The following ADARB2 variants were observed in gnomAD, a reference collection of about 807,000 sequenced individuals.
ADARB2 encodes adenosine deaminase RNA specific B2 (inactive).
Under a neutral mutation model 62.2 loss-of-function variants are expected in ADARB2, and 25 were observed. That is an observed-to-expected ratio of 0.40 (90% CI 0.29 to 0.56). ADARB2 has a LOEUF of 0.56. Among genes scored for constraint, ADARB2 ranks in the 20% least tolerant of loss-of-function variants. The pLI, the probability that ADARB2 is intolerant of heterozygous loss-of-function variation, is 0.43. For missense variants in ADARB2, 1,071 were observed against 1,077.4 expected (o/e 0.99, Z 0.08); for synonymous variants, 572 against 500.8 (o/e 1.14, Z -1.90).
At position 1,371,746 on chromosome 10, in the gene ADARB2, G is replaced by A. The variant is rs529446564; in HGVS notation, c.187+7328C>T. Among the ~76,000 whole-genome samples, 7 of 143,492 alleles carry A rather than the reference G, an allele frequency of 4.9e-5. No homozygotes were observed. The East Asian group carries it at 1.4e-3, about 29-fold the overall frequency. The allele number at this position is 143,492 out of a possible 152,430, so 94.1% of individuals were successfully genotyped here. ...ATGCAAATTAAAATCACACTGAGAT[G>A]TCATCTTACCCCAGTCAGAATGGCT... On this transcript the variant is annotated intron_variant, in intron 2 of 9. Transcript: ENST00000381312.
intron 3 of ADARB2, among the ~76,000 whole-genome samples, chr10:1,345,128 G>A (rs1018965334): frequency 3.3e-5 from 5 of 151,968 alleles, no homozygotes; most frequent in Non-Finnish European, 5.9e-5. Flanking sequence ...GGAGGAAACC[G>A]CCGCAGCCTG....
chr10:1,691,595 G>C (rs143641259), intron 1 of ADARB2, among the ~76,000 whole-genome samples: 4 of 152,156 alleles, frequency 2.6e-5, no homozygotes, highest in African/African-American at 9.7e-5. Flanking sequence ...TGCATCTACT[G>C]TTTACTGGGC....
At chr10:1,687,689 T>G (rs980159727) in intron 1 of ADARB2, among the ~76,000 whole-genome samples, 3 of 151,852 alleles carry the variant, frequency 2.0e-5, no homozygotes, top group Admixed American at 6.6e-5. Flanking sequence ...AGGATTTTCC[T>G]GCCAAGAGTA....
rs185718115 is a variant in ADARB2, at chr10:1,351,655, T to C, written c.1077+11373A>G. 2.0e-3 allele frequency among the ~76,000 whole-genome samples: 298 copies of C among 152,136 alleles called. 2 individuals are homozygous for C. The highest frequency in any genetic ancestry group is 7.0e-3 in the African/African-American group (292 of 41,484). ...TAAGATACCTCTACTCCCTCCTTAGTGACCGATCATGCACCCCTCACCATC... is the reference window on the plus strand; with the variant it reads ...TAAGATACCTCTACTCCCTCCTTAGCGACCGATCATGCACCCCTCACCATC... On this transcript the variant is annotated intron_variant, in intron 3 of 9. Coordinates refer to ENST00000381312, the MANE Select transcript of ADARB2 (RefSeq NM_018702.4).
chr10:1,316,604 T>C (rs1831742304), intron 3 of ADARB2, among the ~76,000 whole-genome samples: 1 of 152,218 alleles, frequency 6.6e-6, no homozygotes, highest in African/African-American at 2.4e-5. Context: ...GTAAATCTTA[T>C]GTATTCAGAG....
intron 1 of ADARB2, among the ~76,000 whole-genome samples, chr10:1,444,574 C>T (rs1830944616): frequency 1.3e-5 from 2 of 150,352 alleles, no homozygotes; most frequent in Non-Finnish European, 3.0e-5. Flanking sequence ...CATCCACCCA[C>T]CACTCTATCT....
chr10:1,598,163 T>G (rs552745793), intron 1 of ADARB2, among the ~76,000 whole-genome samples: 3 of 152,208 alleles, frequency 2.0e-5, no homozygotes, highest in Non-Finnish European at 4.4e-5. Context: ...TGTCACCTGC[T>G]GGGTGCCCTG....
rs181687621 is a variant in ADARB2, at chr10:1,671,657, G to A, written c.100+65394C>T. Reference sequence around the variant, plus strand: ...GGCTGACAATTCATCTCCTCGTTCTGTGCCTATAACATTGCATTCCCAGAG... The same window carrying A: ...GGCTGACAATTCATCTCCTCGTTCTATGCCTATAACATTGCATTCCCAGAG... On this transcript the variant is annotated intron_variant, in intron 1 of 9. Coordinates refer to ENST00000381312, the MANE Select transcript of ADARB2 (RefSeq NM_018702.4). Among the ~76,000 whole-genome samples the A allele has an allele frequency of 1.2e-3, 180 of 152,176 alleles. 3 individuals carry two copies. Among genetic ancestry groups the A allele is most frequent in the Middle Eastern group, 6.8e-3 (2 of 294 alleles).
intron 3 of ADARB2, among the ~76,000 whole-genome samples, chr10:1,349,742 G>A (rs1238411624): frequency 3.3e-5 from 5 of 152,132 alleles, no homozygotes; most frequent in Non-Finnish European, 2.9e-5. Flanking sequence ...AAACTCCGGC[G>A]CTGGTCACGG....
At chr10:1,379,274 G>T in intron 1 of ADARB2, 114 bp from the exon 2 acceptor site, 1 of 800,126 alleles carries the variant, frequency 1.2e-6, no homozygotes. Flanking sequence ...AGGTCACTTT[G>T]GTTTCAGCCA....
intron 1 of ADARB2, among the ~76,000 whole-genome samples, chr10:1,396,057 C>T (rs549989278): frequency 5.6e-4 from 85 of 152,324 alleles, no homozygotes; most frequent in Non-Finnish European, 1.1e-3. Flanking sequence ...ACCTTTTCTA[C>T]GCATTAGACA....
chr10:1,358,062 GAGAC>G (rs1221214797), intron 3 of ADARB2, among the ~76,000 whole-genome samples: 2 of 152,244 alleles, frequency 1.3e-5, no homozygotes, highest in African/African-American at 2.4e-5. Context: ...AACAGAGAGA[GAGAC>G]AGACAGAGAG....
At chr10:1,629,911 G>A (rs1833821318) in intron 1 of ADARB2, among the ~76,000 whole-genome samples, 3 of 152,050 alleles carry the variant, frequency 2.0e-5, no homozygotes. Context: ...CGGGGGAAGG[G>A]AGCGTGAGGA....
rs2813351 is a variant in ADARB2, at chr10:1,547,488, A to G, written c.101-168328T>C. ...GGGGAGAGGCTGCACTGGCGTATGC[A>G]CTGTGGGGAGGGGGAGAGAGGCTGT... is the stretch of plus-strand genomic sequence containing the variant. On this transcript the variant is annotated intron_variant, in intron 1 of 9. Transcript: ENST00000381312. Among the ~76,000 whole-genome samples, 187 of 66,430 alleles carry G rather than the reference A, an allele frequency of 2.8e-3. 8 individuals are homozygous for G. The highest frequency in any genetic ancestry group is 0.012 in the African/African-American group (179 of 14,650). 43.6% of individuals were successfully genotyped at this position (66,430 alleles called of 152,430 possible). A position where few individuals can be genotyped will look rare whatever the true frequency, so the allele number is the denominator to read the frequency against.
chr10:1,184,848 G>T lies in ADARB2; in HGVS notation c.2043+13C>A. ...CTGGGTCCAGTTTCCCTGCAAGGAT[G>T]GGTGCGACCTACCCTGCCATACAGC... On this transcript the variant is annotated intron_variant, in intron 9 of 9. Transcript: ENST00000381312. 3.1e-6 allele frequency: 5 copies of T among 1,608,572 alleles called. No individual in the cohort carries two copies. Among genetic ancestry groups the T allele is most frequent in the Non-Finnish European group, 4.2e-6 (5 of 1,176,738 alleles).
At chr10:1,590,494 C>T (rs1255559175) in intron 1 of ADARB2, among the ~76,000 whole-genome samples, 6 of 152,106 alleles carry the variant, frequency 3.9e-5, no homozygotes, top group Admixed American at 1.3e-4. Context: ...GCAGCAGTTC[C>T]CCCTCCTGCC....
chr10:1,718,455 G>A (rs1835049194), intron 1 of ADARB2, among the ~76,000 whole-genome samples: 1 of 152,146 alleles, frequency 6.6e-6, no homozygotes, highest in African/African-American at 2.4e-5. Flanking sequence ...TAGCCCCCAG[G>A]GCTGACCCGA....
chr10:1,666,921 T>C (rs940384666), intron 1 of ADARB2, among the ~76,000 whole-genome samples: 13 of 152,224 alleles, frequency 8.5e-5, no homozygotes, highest in African/African-American at 2.9e-4. Flanking sequence ...ACATAAGATC[T>C]TTTGACAAAC....
intron 7 of ADARB2, among the ~76,000 whole-genome samples, chr10:1,201,561 A>G (rs1231145714): frequency 6.6e-6 from 1 of 151,424 alleles, no homozygotes; most frequent in Non-Finnish European, 1.5e-5. Flanking sequence ...TGGAGGCCAC[A>G]GAGCGCCTGT....
Sources: gnomAD v4.1 joint callset for allele counts (sites outside exome capture counted in the v4.1 genomes callset) on GRCh38, gnomAD v4.1.1 for gene constraint, MANE v1.5 for transcripts, NCBI Gene and HGNC (gene_info 2026-07-23, HGNC 2026-07-21) for gene names.